The following CCKAR variants were observed in gnomAD, a reference collection of about 807,000 sequenced individuals.
CCKAR encodes the protein cholecystokinin receptor type A.
In CCKAR, 21 loss-of-function variants were observed where a neutral mutation model predicts 29.8. The ratio of observed to expected loss-of-function variants is 0.70; its 90% CI spans 0.50 to 1.01. The LOEUF is 1.01. Ranked by LOEUF, CCKAR falls within the 50% of genes least tolerant of loss-of-function variation. The pLI is 0.00. For missense variants in CCKAR, 570 were observed against 560.6 expected (o/e 1.02, Z -0.17); for synonymous variants, 238 against 221.3 (o/e 1.08, Z -0.67).
At chr4:26,486,769 C>G (rs954002928) in intron 2 of CCKAR, among the ~76,000 whole-genome samples, 11 of 152,066 alleles carry the variant, frequency 7.2e-5, no homozygotes, top group Admixed American at 7.2e-4. Flanking sequence ...CAAAAATTAA[C>G]CAGGCATGGC....
chr4:26,481,840 G>A lies in CCKAR; in HGVS notation c.1085C>T (p.Ser362Phe), dbSNP rs200830872. Residue 362 changes from serine (S) to phenylalanine (F), a missense_variant, in exon 5 of 5, where the codon TCC (serine) becomes TTC (phenylalanine). By Grantham distance (155) the Ser-to-Phe change is radical (BLOSUM62 -2). Transcript: ENST00000295589. ...GTAGATGATGGGGTTGACGCAGGAG[G>A]AGGTGTAGGACAGGAGGAGGATGAA... ...ISFILLLSYT[S>F]SCVNPIIYCF... 1.2e-6 allele frequency: 2 copies of A among 1,613,752 alleles called. No individual in the cohort carries two copies. Among genetic ancestry groups the A allele is most frequent in the Admixed American group, 3.3e-5 (2 of 59,986 alleles).
chr4:26,483,490 T>TG (rs5856945), intron 3 of CCKAR, among the ~76,000 whole-genome samples: 18,702 of 152,278 alleles, frequency 0.12, 1,375 homozygotes, highest in Non-Finnish European at 0.17. Context: ...AAGTCTCTGA[T>TG]GAAGGACTAG....
chr4:26,485,164 A>G (rs1195035593), intron 3 of CCKAR, among the ~76,000 whole-genome samples: 1 of 150,422 alleles, frequency 6.6e-6, no homozygotes, highest in East Asian at 2.0e-4. Context: ...ATTGCACTCC[A>G]GCCTGGGCAA....
intron 4 of CCKAR, among the ~76,000 whole-genome samples, 159 bp from the exon 5 acceptor site, chr4:26,482,329 T>C (rs937789178): frequency 6.6e-6 from 1 of 152,218 alleles, no homozygotes; most frequent in Non-Finnish European, 1.5e-5. Context: ...CATTGATCTA[T>C]ACTAGTTCTT....
At chr4:26,485,555 T>C in intron 3 of CCKAR, 82 bp downstream of exon 3, 1 of 1,486,256 alleles carries the variant, frequency 6.7e-7, no homozygotes, top group South Asian at 1.2e-5. Flanking sequence ...CCCCAACCAC[T>C]CTGGGCAAGG....
chr4:26,487,933 T>C (rs539125006), intron 2 of CCKAR, among the ~76,000 whole-genome samples: 7 of 152,044 alleles, frequency 4.6e-5, no homozygotes, highest in Admixed American at 4.6e-4. Flanking sequence ...TTTTTTTTTT[T>C]CAGAGGACTT....
chr4:26,489,756 T>G (rs1449288398), intron 1 of CCKAR, among the ~76,000 whole-genome samples: 1 of 152,224 alleles, frequency 6.6e-6, no homozygotes, highest in Non-Finnish European at 1.5e-5. Context: ...AGTGATCACT[T>G]TCTTTCCTGG....
chr4:26,489,550 G>A (rs1737517948), intron 1 of CCKAR, 66 bp from the exon 2 acceptor site: 1 of 1,575,326 alleles, frequency 6.3e-7, no homozygotes, highest in African/African-American at 1.3e-5. Flanking sequence ...TAAAACCGAA[G>A]CCAAGGGTGA....
chr4:26,489,914 C>T (rs1239071983), intron 1 of CCKAR, among the ~76,000 whole-genome samples: 2 of 152,038 alleles, frequency 1.3e-5, no homozygotes, highest in Non-Finnish European at 2.9e-5. Flanking sequence ...TCAGCTTTTC[C>T]TCCCCTGCTT....
Position 26,482,028 on chromosome 4 carries a change from G to A in CCKAR, c.897C>T (p.Asn299=), listed in dbSNP as rs908391035. The change falls in exon 5 of 5, where the codon AAC becomes AAT. Residue 299 remains asparagine, a synonymous_variant. Coordinates refer to ENST00000295589, the MANE Select transcript of CCKAR (RefSeq NM_000730.3). ...TGGCCATCAGGTTGGCTGCGGAGCT[G>A]TTACTCCGGATGCGGTTGGCCCTGC... The part of the protein sequence containing the change: ...SSSRANRIRS[N]SSAANLMAKK... 1.2e-6 allele frequency: 2 copies of A among 1,614,264 alleles called. No homozygotes were observed. The highest frequency in any genetic ancestry group is 1.7e-6 in the Non-Finnish European group (2 of 1,180,038).
intron 2 of CCKAR, among the ~76,000 whole-genome samples, 200 bp from the exon 3 acceptor site, chr4:26,486,098 A>G (rs1262896841): frequency 2.0e-5 from 3 of 152,228 alleles, no homozygotes; most frequent in Non-Finnish European, 2.9e-5. Context: ...GCAGTTAAAG[A>G]AATGGCTTTG....
rs549621504 is a variant in CCKAR at position 26,481,959 on chromosome 4, G to C, written c.966C>G (p.Phe322Leu). 2 of 1,614,142 alleles carry C rather than the reference G, an allele frequency of 1.2e-6. No individual in the cohort carries two copies. The highest frequency in any genetic ancestry group is 2.7e-5 in the African/African-American group (2 of 74,946). Reference protein sequence around the residue: ...IRMLIVIVVLFFLCWMPIFSA... With the variant: ...IRMLIVIVVLLFLCWMPIFSA... ...TGAAGATGGGCATCCAGCACAGGAA[G>C]AAGAGGACCACGATGACGATGAGCA... The change falls in exon 5 of 5, where the codon TTC becomes TTG. Residue 322 changes from phenylalanine to leucine, a missense_variant. Physicochemically the swap from Phe to Leu is conservative, Grantham distance 22 (BLOSUM62 0). Coordinates refer to ENST00000295589, the MANE Select transcript of CCKAR (RefSeq NM_000730.3).
At position 26,481,832 on chromosome 4, in the gene CCKAR, C is replaced by T. The variant is rs52795588; in HGVS notation, c.1093G>A (p.Val365Ile). 2,001 of 1,613,510 alleles carry T rather than the reference C, an allele frequency of 1.2e-3. 21 individuals carry two copies. The African/African-American group carries it at 0.023, about 18-fold the overall frequency. The change falls in exon 5 of 5, where the codon GTC (valine) becomes ATC (isoleucine). Residue 365 changes from valine (V) to isoleucine (I), a missense_variant. Transcript: ENST00000295589. ...ATGAAGCAGTAGATGATGGGGTTGA[C>T]GCAGGAGGAGGTGTAGGACAGGAGG... ...ILLLSYTSSC[V>I]NPIIYCFMNK...
chr4:26,482,221 A>T, intron 4 of CCKAR, 51 bp from the exon 5 acceptor site: 1 of 1,533,768 alleles, frequency 6.5e-7, no homozygotes, highest in Non-Finnish European at 8.8e-7. Context: ...CATGCCCGGT[A>T]GAAGGCATGG....
In CCKAR at chr4:26,489,264, G is replaced by A. The variant is rs776087260; in HGVS notation, c.333C>T (p.Ser111=). The A allele has an allele frequency of 1.9e-6, 3 of 1,614,016 alleles. No homozygotes were observed. Among genetic ancestry groups the A allele is most frequent in the Non-Finnish European group, 2.5e-6 (3 of 1,180,038 alleles). ...AGTAGGTGGTGGTCTTGCAAACGGC[G>A]CTCCCGAAGATGAAATCCTTGAGCA... The part of the protein sequence containing the change: ...PNLLKDFIFG[S]AVCKTTTYFM... Residue 111 remains serine, a synonymous_variant, in exon 2 of 5, where the codon AGC becomes AGT. Coordinates refer to ENST00000295589, the MANE Select transcript of CCKAR (RefSeq NM_000730.3).
At chr4:26,482,460 C>T (rs995303594) in intron 4 of CCKAR, among the ~76,000 whole-genome samples, 6 of 152,206 alleles carry the variant, frequency 3.9e-5, no homozygotes, top group Non-Finnish European at 7.3e-5. Flanking sequence ...TCCTTTCCTT[C>T]ATTAGCTCCC....
Position 26,481,646 on chromosome 4 carries a change from G to T in CCKAR, c.1279C>A (p.Pro427Thr). The change falls in exon 5 of 5, where the codon CCC (proline) becomes ACC (threonine). Residue 427 changes from proline (P) to threonine (T), a missense_variant. Transcript: ENST00000295589. ...GAGGGTCAGGGGACATCTCACTGGGGTGGCACCGAGGCACTCATATGGCTG... is the reference window on the plus strand; with the variant it reads ...GAGGGTCAGGGGACATCTCACTGGGTTGGCACCGAGGCACTCATATGGCTG... ...SYSHMSASVPPQ is the reference protein window; with the variant it reads ...SYSHMSASVPTQ The T allele has an allele frequency of 6.2e-7, 1 of 1,614,186 alleles. No individual in the cohort carries two copies. Among genetic ancestry groups the T allele is most frequent in the Non-Finnish European group, 8.5e-7 (1 of 1,180,024 alleles).
chr4:26,487,630 T>C (rs925601382), intron 2 of CCKAR, among the ~76,000 whole-genome samples: 4 of 152,228 alleles, frequency 2.6e-5, no homozygotes, highest in African/African-American at 9.6e-5. Context: ...GTATTGCAAA[T>C]ACTTTCAGAA....
chr4:26,483,368 T>G lies in CCKAR; in HGVS notation c.627-85A>C, dbSNP rs1222532238. 4.4e-6 allele frequency: 6 copies of G among 1,373,746 alleles called. No individual in the cohort carries two copies. The East Asian group carries it at 9.3e-5, about 21-fold the overall frequency. 85.1% of individuals were successfully genotyped at this position (1,373,746 alleles called of 1,614,324 possible). ...AAGGAATGAATAGGGTTTATGTTTATTTTTACTGGCCTGAGCAAACACATT... is the reference window on the plus strand; with the variant it reads ...AAGGAATGAATAGGGTTTATGTTTAGTTTTACTGGCCTGAGCAAACACATT... On this transcript the variant is annotated intron_variant, in intron 3 of 4. Coordinates refer to ENST00000295589, the MANE Select transcript of CCKAR (RefSeq NM_000730.3).
Sources: allele counts gnomAD v4.1 joint callset (sites outside exome capture counted in the v4.1 genomes callset), GRCh38; gene constraint gnomAD v4.1.1; transcripts MANE v1.5; gene names NCBI Gene and HGNC (gene_info 2026-07-23, HGNC 2026-07-21).